The following USP10 variants were observed in gnomAD, a reference collection of about 807,000 sequenced individuals.
USP10 encodes ubiquitin carboxyl-terminal hydrolase 10.
Under a neutral mutation model 84.5 loss-of-function variants are expected in USP10, and 22 were observed. The observed-to-expected ratio is 0.26, with a 90% CI of 0.19 to 0.37. The LOEUF (loss-of-function observed/expected upper bound fraction) is 0.37. Ranked by LOEUF, USP10 falls within the 10% of genes least tolerant of loss-of-function variation. USP10 has a pLI of 1.00. For synonymous variants in USP10, 454 were observed against 387.6 expected, an observed-to-expected ratio of 1.17 and a Z score of -2.01; for missense variants, 1,019 against 998.9, an observed-to-expected ratio of 1.02 and a Z score of -0.27.
At chr16:84,711,660 C>T (rs543650822) in intron 1 of USP10, among the ~76,000 whole-genome samples, 1 of 151,800 alleles carries the variant, frequency 6.6e-6, no homozygotes, top group South Asian at 2.1e-4. Flanking sequence ...AGTTAGGTGC[C>T]AGCAGCAGAA....
chr16:84,754,489 C>T (rs907718993), intron 4 of USP10, among the ~76,000 whole-genome samples: 5 of 152,134 alleles, frequency 3.3e-5, no homozygotes, highest in African/African-American at 4.8e-5. Flanking sequence ...AGGGCCCGTA[C>T]GTATGTTCTG....
chr16:84,777,505 A>G (rs1250316917), intron 13 of USP10, among the ~76,000 whole-genome samples: 1 of 152,228 alleles, frequency 6.6e-6, no homozygotes, highest in East Asian at 1.9e-4. Flanking sequence ...TGACTTGTGC[A>G]GCACAGGATG....
chr16:84,753,736 A>T (rs1203178571), intron 4 of USP10, among the ~76,000 whole-genome samples: 2 of 152,354 alleles, frequency 1.3e-5, no homozygotes, highest in East Asian at 3.9e-4. Context: ...TTTCTAACAA[A>T]TATGAGTGGA....
At chr16:84,778,765 T>C in intron 13 of USP10, 130 bp from the exon 14 acceptor site, 1 of 868,938 alleles carries the variant, frequency 1.2e-6, no homozygotes. Context: ...TGATGACATC[T>C]CTCTGTCCCA....
At chr16:84,764,939 A>AAAAAAAAAATATAT (rs370383030) in intron 10 of USP10, among the ~76,000 whole-genome samples, 11 of 132,252 alleles carry the variant, frequency 8.3e-5, no homozygotes, top group South Asian at 2.7e-4. Context: ...GAGAAAAAAA[A>AAAAAAAAAATATAT]ATATATATAT....
Position 84,764,937 on chromosome 16 carries a change from A to ATATATAT in USP10, c.1832+674_1832+675insTATATAT, listed in dbSNP as rs1364532157. On this transcript the variant is annotated intron_variant, in intron 10 of 13. Coordinates refer to ENST00000219473, the MANE Select transcript of USP10 (RefSeq NM_005153.3). Reference sequence around the variant, plus strand: ...AATAACCACGAGAGAGAGAGAAAAAAAAATATATATATATATATTAGACTT... The same window carrying ATATATAT: ...AATAACCACGAGAGAGAGAGAAAAAATATATATAAATATATATATATATATTAGACTT... 2.8e-3 allele frequency among the ~76,000 whole-genome samples: 216 copies of ATATATAT among 76,906 alleles called. 1 individual carries two copies. The highest frequency in any genetic ancestry group is 0.01 in the African/African-American group (200 of 19,862). 50.5% of individuals were successfully genotyped at this position (76,906 alleles called of 152,430 possible).
chr16:84,752,831 G>C (rs943778790), intron 4 of USP10, among the ~76,000 whole-genome samples: 1 of 152,212 alleles, frequency 6.6e-6, no homozygotes, highest in East Asian at 1.9e-4. Context: ...CTTAGTGTAC[G>C]TGTGAGATGT....
intron 1 of USP10, among the ~76,000 whole-genome samples, chr16:84,728,068 C>G (rs956965367): frequency 6.6e-6 from 1 of 152,162 alleles, no homozygotes; most frequent in South Asian, 2.1e-4. Flanking sequence ...AGTTTCTCCT[C>G]CCCTCTTTTG....
chr16:84,720,711 A>C (rs1319998085), intron 1 of USP10, among the ~76,000 whole-genome samples: 1 of 148,094 alleles, frequency 6.8e-6, no homozygotes, highest in Non-Finnish European at 1.5e-5. Flanking sequence ...CCTCCTGAGT[A>C]GTTAGGACTA....
At chr16:84,776,873 C>T (rs2150879188) in intron 13 of USP10, among the ~76,000 whole-genome samples, 1 of 152,328 alleles carries the variant, frequency 6.6e-6, no homozygotes, top group Admixed American at 6.5e-5. Context: ...AGTGCAGTGG[C>T]ACAGTCTCCA....
At chr16:84,700,420 C>T (rs2150745127) in intron 1 of USP10, among the ~76,000 whole-genome samples, 1 of 152,012 alleles carries the variant, frequency 6.6e-6, no homozygotes, top group Non-Finnish European at 1.5e-5. Context: ...CGGGGCGAGC[C>T]CGGGGTGTGG....
chr16:84,746,746 T>G (rs1022626989), intron 4 of USP10, among the ~76,000 whole-genome samples: 1 of 152,212 alleles, frequency 6.6e-6, no homozygotes, highest in African/African-American at 2.4e-5. Context: ...ACTTAGGCTG[T>G]ACTACGTTGA....
At chr16:84,764,025 C>T in intron 9 of USP10, 61 bp from the exon 10 acceptor site, 3 of 1,239,518 alleles carry the variant, frequency 2.4e-6, no homozygotes, top group South Asian at 1.5e-5. Flanking sequence ...AGATCTGTGC[C>T]TTTTTTTTTT....
At position 84,747,822 on chromosome 16, in the gene USP10, C is replaced by A. The variant is rs371340605; in HGVS notation, c.1192+2149C>A. Among the ~76,000 whole-genome samples the A allele has an allele frequency of 6.6e-5, 10 of 152,068 alleles. 1 individual carries two copies. Among genetic ancestry groups the A allele is most frequent in the Admixed American group, 5.2e-4 (8 of 15,284 alleles). On this transcript the variant is annotated intron_variant, in intron 4 of 13. Coordinates refer to ENST00000219473, the MANE Select transcript of USP10 (RefSeq NM_005153.3). Reference sequence around the variant, plus strand: ...CCTCAAGTGATCTGCTCGCTTCAGCCTCCCAAAGTGTTGGGATTCCAGGTG... The same window carrying A: ...CCTCAAGTGATCTGCTCGCTTCAGCATCCCAAAGTGTTGGGATTCCAGGTG...
chr16:84,764,963 C>T lies in USP10; in HGVS notation c.1832+700C>T, dbSNP rs529598501. The stretch of plus-strand genomic sequence containing the variant: ...AAATATATATATATATATTAGACTT[C>T]ATCTGCATTTAAAACTTGCAACATA... On this transcript the variant is annotated intron_variant, in intron 10 of 13. Coordinates refer to ENST00000219473, the MANE Select transcript of USP10 (RefSeq NM_005153.3). Among the ~76,000 whole-genome samples the T allele has an allele frequency of 9.0e-5, 11 of 122,556 alleles. No individual in the cohort carries two copies. In the East Asian group the frequency reaches 2.1e-3, roughly 24 times the overall value. The allele number at this position is 122,556 out of a possible 152,430, so 80.4% of individuals were successfully genotyped here.
At chr16:84,721,823 G>C (rs759725649) in intron 1 of USP10, among the ~76,000 whole-genome samples, 1 of 152,152 alleles carries the variant, frequency 6.6e-6, no homozygotes, top group Non-Finnish European at 1.5e-5. Flanking sequence ...TCAGCCTCTC[G>C]AGTAGCTGGG....
intron 1 of USP10, among the ~76,000 whole-genome samples, chr16:84,710,021 G>T (rs867342309): frequency 6.6e-6 from 1 of 152,192 alleles, no homozygotes; most frequent in Admixed American, 6.5e-5. Flanking sequence ...TGTAATCCCA[G>T]CACTTTGGGA....
intron 1 of USP10, among the ~76,000 whole-genome samples, chr16:84,703,964 A>T (rs1905188530): frequency 6.6e-6 from 1 of 152,210 alleles, no homozygotes; most frequent in Non-Finnish European, 1.5e-5. Context: ...GTTACGTGGA[A>T]CTGATAGGAT....
intron 1 of USP10, among the ~76,000 whole-genome samples, chr16:84,727,070 C>T (rs2150788006): frequency 6.6e-6 from 1 of 152,308 alleles, no homozygotes. Flanking sequence ...ACAGGGCCTC[C>T]AGGTACCTGC....
Sources: allele counts gnomAD v4.1 joint callset (sites outside exome capture counted in the v4.1 genomes callset), GRCh38; gene constraint gnomAD v4.1.1; transcripts MANE v1.5; gene names NCBI Gene and HGNC (gene_info 2026-07-23, HGNC 2026-07-21).